MYO3B: variants seen among roughly 807,000 people sequenced by gnomAD.
MYO3B encodes myosin-IIIb.
MYO3B carries 156 observed loss-of-function variants against 174.6 expected under a neutral mutation model. That is an observed-to-expected ratio of 0.89 (90% CI 0.78 to 1.02). The LOEUF is 1.02. Ranked by LOEUF, MYO3B falls within the 50% of genes least tolerant of loss-of-function variation. The pLI, the probability that MYO3B is intolerant of heterozygous loss-of-function variation, is 0.00. For missense variants in MYO3B, 1,632 were observed against 1,639.4 expected, an observed-to-expected ratio of 1.00 and a Z score of 0.08; for synonymous variants, 563 against 569.1, an observed-to-expected ratio of 0.99 and a Z score of 0.15.
At chr2:170,596,682 C>A (rs567268978) in intron 32 of MYO3B, among the ~76,000 whole-genome samples, 1 of 152,296 alleles carries the variant, frequency 6.6e-6, no homozygotes, top group Non-Finnish European at 1.5e-5. Flanking sequence ...CCACCACTAC[C>A]CTAGAAACCT....
rs181300503 is a variant in MYO3B at position 170,179,353 on chromosome 2, G to C, written c.2+1064G>C. Among the ~76,000 whole-genome samples, 306 of 152,304 alleles carry C rather than the reference G, an allele frequency of 2.0e-3. 2 individuals carry two copies. The highest frequency in any genetic ancestry group is 6.8e-3 in the Middle Eastern group (2 of 294). The stretch of plus-strand genomic sequence containing the variant: ...GGCCCTATCTAGCAGCATCCAGATA[G>C]GTGGTTTGTGAAGAAGCCAGTTCCT... On this transcript the variant is annotated intron_variant, in intron 1 of 34. Coordinates refer to ENST00000408978, the MANE Select transcript of MYO3B (RefSeq NM_138995.5).
intron 25 of MYO3B, among the ~76,000 whole-genome samples, chr2:170,482,496 C>T (rs1010531211): frequency 6.6e-6 from 1 of 152,200 alleles, no homozygotes; most frequent in African/African-American, 2.4e-5. Flanking sequence ...TAAAATGTGA[C>T]TTGCTCCTCC....
intron 1 of MYO3B, among the ~76,000 whole-genome samples, chr2:170,188,955 CAAATAATTTATTCTT>C (rs1463138457): frequency 6.6e-6 from 1 of 152,138 alleles, no homozygotes; most frequent in Admixed American, 6.5e-5. Context: ...TTTGTACCTT[CAAATAATTTATTCTT>C]GCTTTTTGAC....
intron 9 of MYO3B, among the ~76,000 whole-genome samples, chr2:170,379,076 T>C (rs970814730): frequency 1.3e-5 from 2 of 152,248 alleles, no homozygotes; most frequent in African/African-American, 4.8e-5. Flanking sequence ...TTTTTAATTA[T>C]TGATTTTCTT....
intron 30 of MYO3B, among the ~76,000 whole-genome samples, chr2:170,538,748 C>T (rs148907114): frequency 2.7e-3 from 413 of 152,310 alleles, no homozygotes; most frequent in Admixed American, 4.8e-3. Context: ...TTCAGCGAAG[C>T]GGTCGAGCCC....
chr2:170,644,284 C>CT (rs1287733064), intron 32 of MYO3B, among the ~76,000 whole-genome samples: 2,725 of 145,462 alleles, frequency 0.019, 80 homozygotes, highest in African/African-American at 0.061. Flanking sequence ...AACTGTGTGT[C>CT]TTTTTTTTTT....
Position 170,444,065 on chromosome 2 carries a change from C to T in MYO3B, c.2730+19C>T. Reference sequence around the variant, plus strand: ...AGCCAAGGTGAGTAACAGATTTGCACCAAATATAGTATGGACTGGCAGGTA... The same window carrying T: ...AGCCAAGGTGAGTAACAGATTTGCATCAAATATAGTATGGACTGGCAGGTA... On this transcript the variant is annotated intron_variant, in intron 23 of 34. Coordinates refer to ENST00000408978, the MANE Select transcript of MYO3B (RefSeq NM_138995.5). 6.2e-7 allele frequency: 1 copy of T among 1,602,962 alleles called. No homozygotes were observed.
intron 30 of MYO3B, among the ~76,000 whole-genome samples, chr2:170,542,406 T>G (rs917303992): frequency 1.3e-5 from 2 of 152,246 alleles, no homozygotes; most frequent in Non-Finnish European, 2.9e-5. Flanking sequence ...TTATCTTTAC[T>G]ATAGAGATCC....
intron 25 of MYO3B, among the ~76,000 whole-genome samples, chr2:170,469,810 G>C (rs1266705361): frequency 6.6e-6 from 1 of 152,070 alleles, no homozygotes; most frequent in Non-Finnish European, 1.5e-5. Flanking sequence ...TCTTTTGAAA[G>C]TATACAATTC....
At chr2:170,273,408 A>G (rs1173751160) in intron 7 of MYO3B, among the ~76,000 whole-genome samples, 1 of 152,136 alleles carries the variant, frequency 6.6e-6, no homozygotes, top group African/African-American at 2.4e-5. Context: ...TGGATGGCCC[A>G]CAGCTGCCCA....
intron 6 of MYO3B, among the ~76,000 whole-genome samples, chr2:170,221,748 T>A (rs11895870): frequency 0.23 from 35,319 of 151,602 alleles, 5,666 homozygotes; most frequent in African/African-American, 0.46. Flanking sequence ...AATTTTTTTT[T>A]AAAAGATGGG....
intron 8 of MYO3B, among the ~76,000 whole-genome samples, chr2:170,342,934 CTT>C (rs971326200): frequency 6.6e-6 from 1 of 151,982 alleles, no homozygotes; most frequent in African/African-American, 2.4e-5. Context: ...GTGGCAATGA[CTT>C]TCTCTTCTTT....
At chr2:170,260,918 A>C (rs2093340789) in intron 7 of MYO3B, among the ~76,000 whole-genome samples, 1 of 152,258 alleles carries the variant, frequency 6.6e-6, no homozygotes, top group South Asian at 2.1e-4. Flanking sequence ...GATAGTGAGC[A>C]TAGACACTCT....
At chr2:170,361,577 A>T (rs539969178) in intron 8 of MYO3B, among the ~76,000 whole-genome samples, 1 of 152,244 alleles carries the variant, frequency 6.6e-6, no homozygotes, top group Non-Finnish European at 1.5e-5. Context: ...TAGCTTAAAC[A>T]TAAGAAGGAG....
chr2:170,536,768 G>A (rs904637374), intron 30 of MYO3B, among the ~76,000 whole-genome samples: 17 of 152,102 alleles, frequency 1.1e-4, no homozygotes, highest in Non-Finnish European at 2.2e-4. Flanking sequence ...TTTGTAATTT[G>A]AATTTACTGA....
At position 170,320,005 on chromosome 2, in the gene MYO3B, G is replaced by A. The variant is rs111660822; in HGVS notation, c.750-15380G>A. On this transcript the variant is annotated intron_variant, in intron 7 of 34. Transcript: ENST00000408978. ...GAGAGAACTTGTTGCTAGCCAACCCGCCTTACAAGAAATACTAAAGGTTGT... is the reference window on the plus strand; with the variant it reads ...GAGAGAACTTGTTGCTAGCCAACCCACCTTACAAGAAATACTAAAGGTTGT... Among the ~76,000 whole-genome samples, 908 of 152,268 alleles carry A rather than the reference G, an allele frequency of 6.0e-3. 14 individuals carry two copies. Among genetic ancestry groups the A allele is most frequent in the African/African-American group, 0.02 (843 of 41,550 alleles).
At chr2:170,630,109 C>A (rs1280527631) in intron 32 of MYO3B, among the ~76,000 whole-genome samples, 1 of 152,208 alleles carries the variant, frequency 6.6e-6, no homozygotes, top group South Asian at 2.1e-4. Context: ...GGGGCATTGC[C>A]TCACCTGAGA....
intron 32 of MYO3B, among the ~76,000 whole-genome samples, chr2:170,585,151 G>A (rs933118043): frequency 2.6e-5 from 4 of 152,196 alleles, no homozygotes; most frequent in South Asian, 2.1e-4. Context: ...TGACTCTAAT[G>A]TGCAGCCAAG....
chr2:170,377,100 T>C (rs2094299268), intron 9 of MYO3B, among the ~76,000 whole-genome samples: 6 of 152,246 alleles, frequency 3.9e-5, no homozygotes, highest in Admixed American at 3.3e-4. Context: ...TGAGTCACTT[T>C]TGGGCAAAAT....
Sources: gnomAD v4.1 joint callset for allele counts (sites outside exome capture counted in the v4.1 genomes callset) on GRCh38, gnomAD v4.1.1 for gene constraint, MANE v1.5 for transcripts, NCBI Gene and HGNC (gene_info 2026-07-23, HGNC 2026-07-21) for gene names.